The following C4orf51 variants were observed in gnomAD, a reference collection of about 807,000 sequenced individuals.
C4orf51 encodes the protein chromosome 4 open reading frame 51.
In C4orf51, 25 loss-of-function variants were observed where a neutral mutation model predicts 25.2. The ratio of observed to expected loss-of-function variants is 0.99; its 90% CI spans 0.72 to 1.39. The LOEUF (loss-of-function observed/expected upper bound fraction) is 1.39. Among genes scored for constraint, C4orf51 ranks in the 40% most tolerant of loss-of-function variants. The pLI, the probability that C4orf51 is intolerant of heterozygous loss-of-function variation, is 0.00. For synonymous variants in C4orf51, 100 were observed against 84.5 expected (o/e 1.18, Z -1.01); for missense variants, 252 against 239.6 (o/e 1.05, Z -0.34).
At chr4:145,751,997 G>T (rs544459055) in intron 1 of C4orf51, among the ~76,000 whole-genome samples, 1 of 152,298 alleles carries the variant, frequency 6.6e-6, no homozygotes, top group South Asian at 2.1e-4. Context: ...GGGCTCTTCA[G>T]TCAGCTTGTG....
intron 1 of C4orf51, among the ~76,000 whole-genome samples, chr4:145,690,252 TC>T (rs1729456009): frequency 6.6e-6 from 1 of 151,802 alleles, no homozygotes; most frequent in Admixed American, 6.6e-5. Flanking sequence ...ACGTCTGTAA[TC>T]CCAGCACTTT....
At chr4:145,759,439 C>T (rs771379229) in intron 1 of C4orf51, 3 of 152,130 alleles carry the variant, frequency 2.0e-5, no homozygotes, top group African/African-American at 7.2e-5. Context: ...AAGTTAGCCT[C>T]CTAGCAGGTT....
intron 1 of C4orf51, among the ~76,000 whole-genome samples, chr4:145,753,140 T>TTGTGTGTGTGTGTG (rs57325282): frequency 1.7e-4 from 25 of 145,752 alleles, no homozygotes; most frequent in African/African-American, 5.9e-4. Flanking sequence ...TATGAAGGTT[T>TTGTGTGTGTGTGTG]TGTGTGTGTG....
chr4:145,736,047 A>G (rs1732786675), downstream of C4orf51, among the ~76,000 whole-genome samples: 6 of 151,668 alleles, frequency 4.0e-5, no homozygotes, highest in Admixed American at 3.9e-4. Context: ...TCCTCCCCTA[A>G]CCCCCTCTTA....
intron 1 of C4orf51, among the ~76,000 whole-genome samples, chr4:145,742,043 T>TAG (rs745993704): frequency 1.3e-5 from 2 of 152,176 alleles, no homozygotes; most frequent in African/African-American, 4.8e-5. Flanking sequence ...AATACAAGGG[T>TAG]AGACTTTTCT....
At chr4:145,696,716 C>A in intron 2 of C4orf51, 84 bp downstream of exon 2, 1 of 995,676 alleles carries the variant, frequency 1.0e-6, no homozygotes, top group Non-Finnish European at 1.5e-6. Flanking sequence ...TTTTCTCTCA[C>A]TTTACTGAGA....
At chr4:145,777,625 T>C in the C4orf51 span, among the ~76,000 whole-genome samples, 146,025 of 152,274 alleles carry the variant, frequency 0.96, 70,084 homozygotes, top group African/African-American at 0.99. Flanking sequence ...GATGATTAGG[T>C]TTCCTTTTTC....
chr4:145,703,379 G>A (rs907696193), intron 2 of C4orf51, among the ~76,000 whole-genome samples: 1 of 151,298 alleles, frequency 6.6e-6, no homozygotes. Context: ...CCTATAAAAC[G>A]GCCCCACCCT....
In C4orf51 at chr4:145,697,776, G is replaced by T. The variant is rs145014739; in HGVS notation, c.307+1144G>T. On this transcript the variant is annotated intron_variant, in intron 2 of 5. Transcript: ENST00000438731. Reference sequence around the variant, plus strand: ...TTCATTATTGATGGACACGTAAGTTGTTTCTAGATCTTGACTCTTGTGAAT... The same window carrying T: ...TTCATTATTGATGGACACGTAAGTTTTTTCTAGATCTTGACTCTTGTGAAT... Among the ~76,000 whole-genome samples, 4 of 152,308 alleles carry T rather than the reference G, an allele frequency of 2.6e-5. No individual in the cohort carries two copies. The East Asian group carries it at 7.7e-4, about 29-fold the overall frequency.
downstream of C4orf51, among the ~76,000 whole-genome samples, chr4:145,734,917 C>T (rs12499981): frequency 0.5 from 75,664 of 152,022 alleles, 20,113 homozygotes; most frequent in Non-Finnish European, 0.6. Flanking sequence ...GCAGGATGAT[C>T]GTCAACTTTT....
At chr4:145,780,028 T>TA in the C4orf51 span, among the ~76,000 whole-genome samples, 2 of 152,104 alleles carry the variant, frequency 1.3e-5, no homozygotes, top group African/African-American at 2.4e-5. Flanking sequence ...TTGTATCTAC[T>TA]AAAAATACAA....
intron 2 of C4orf51, among the ~76,000 whole-genome samples, chr4:145,711,753 A>T (rs1424647951): frequency 6.6e-6 from 1 of 151,910 alleles, no homozygotes; most frequent in African/African-American, 2.4e-5. Flanking sequence ...CAGCTCCAGA[A>T]TTTTTTTTAA....
intron 2 of C4orf51, among the ~76,000 whole-genome samples, chr4:145,724,880 CAAAA>C (rs1222983724): frequency 2.2e-3 from 148 of 68,294 alleles, no homozygotes; most frequent in African/African-American, 7.7e-3. Flanking sequence ...AAGACTGTCT[CAAAA>C]AAAAAAAAAA....
intron 1 of C4orf51, among the ~76,000 whole-genome samples, chr4:145,752,028 G>A (rs533538455): frequency 2.6e-4 from 40 of 152,232 alleles, no homozygotes; most frequent in African/African-American, 8.7e-4. Flanking sequence ...CCTGGCCTGG[G>A]ACTCACCTGT....
At position 145,765,783 on chromosome 4, in the gene C4orf51, C is replaced by T; in HGVS notation, n.167-5205C>T. The T allele has an allele frequency of 6.3e-7, 1 of 1,583,224 alleles. No individual in the cohort carries two copies. The highest frequency in any genetic ancestry group is 8.6e-7 in the Non-Finnish European group (1 of 1,162,524). ...CCCAGTCTGTTAATGAGATGAAAAT[C>T]CTCAGAATTATAGCAACTGAGGGTG... On this transcript the variant is annotated intron_variant and non_coding_transcript_variant, in intron 1 of 1. Coordinates refer to the C4orf51 transcript ENST00000510096. This position sits in a 1 kb window ranked among gnomAD's most constrained non-coding sequence, Gnocchi z 4.7.
chr4:145,732,376 C>G, intron 5 of C4orf51, 77 bp from the exon 6 acceptor site: 2 of 836,960 alleles, frequency 2.4e-6, no homozygotes, highest in Middle Eastern at 2.2e-4. Flanking sequence ...TTGGAAGAGA[C>G]CATTTAATTC....
At chr4:145,780,297 C>T in the C4orf51 span, among the ~76,000 whole-genome samples, 17 of 152,322 alleles carry the variant, frequency 1.1e-4, no homozygotes, top group South Asian at 3.5e-3. Flanking sequence ...TGCTTTCATT[C>T]TCTTTAAGAA....
At chr4:145,724,880 C>CAAAAAAAAAAAAAA (rs1222983724) in intron 2 of C4orf51, among the ~76,000 whole-genome samples, 2 of 68,318 alleles carry the variant, frequency 2.9e-5, no homozygotes, top group Non-Finnish European at 5.5e-5. Flanking sequence ...AAGACTGTCT[C>CAAAAAAAAAAAAAA]AAAAAAAAAA....
the C4orf51 span, among the ~76,000 whole-genome samples, chr4:145,784,149 C>G: frequency 6.6e-6 from 1 of 152,188 alleles, no homozygotes; most frequent in African/African-American, 2.4e-5. Flanking sequence ...CAGCATCATG[C>G]TTCCTGTACA....
Sources: allele counts gnomAD v4.1 joint callset (sites outside exome capture counted in the v4.1 genomes callset), GRCh38; gene constraint gnomAD v4.1.1; non-coding constraint Gnocchi (gnomAD v3.1); transcripts MANE v1.5; gene names NCBI Gene and HGNC (gene_info 2026-07-23, HGNC 2026-07-21).